CHL1: variants seen among roughly 807,000 people sequenced by gnomAD.
The protein encoded by CHL1 is neural cell adhesion molecule L1-like protein.
CHL1 carries 96 observed loss-of-function variants against 141.9 expected under a neutral mutation model. The ratio of observed to expected loss-of-function variants is 0.68; its 90% CI spans 0.57 to 0.80. The LOEUF is 0.80. CHL1 is among the 30% of genes least tolerant of loss of function. The pLI, the probability that CHL1 is intolerant of heterozygous loss-of-function variation, is 0.00. For missense variants in CHL1, 1,820 were observed against 1,457.2 expected, an observed-to-expected ratio of 1.25 and a Z score of -4.05; for synonymous variants, 613 against 502.2, an observed-to-expected ratio of 1.22 and a Z score of -2.95.
At chr3:244,225 C>T (rs1384926943) in intron 1 of CHL1, among the ~76,000 whole-genome samples, 1 of 152,188 alleles carries the variant, frequency 6.6e-6, no homozygotes, top group African/African-American at 2.4e-5. Flanking sequence ...AGATTAGTCA[C>T]AGCATCAGAC....
At chr3:355,179 C>A (rs2125229948) in intron 11 of CHL1, among the ~76,000 whole-genome samples, 1 of 152,284 alleles carries the variant, frequency 6.6e-6, no homozygotes, top group South Asian at 2.1e-4. Flanking sequence ...CAACACCTGT[C>A]CTGGGCTCTG....
intron 2 of CHL1, among the ~76,000 whole-genome samples, chr3:271,028 G>C (rs753578320): frequency 2.0e-5 from 3 of 152,264 alleles, no homozygotes; most frequent in African/African-American, 7.2e-5. Context: ...AAGGAGAGAG[G>C]TATAAGCCTC....
At chr3:391,619 G>A (rs1487020629) in intron 22 of CHL1, 56 bp from the exon 23 acceptor site, 8 of 1,293,090 alleles carry the variant, frequency 6.2e-6, no homozygotes, top group African/African-American at 1.5e-5. Flanking sequence ...ATATAATAAG[G>A]CTTTTTTGAA....
At chr3:238,775 A>AT (rs908132594) in intron 1 of CHL1, among the ~76,000 whole-genome samples, 1 of 151,530 alleles carries the variant, frequency 6.6e-6, no homozygotes, top group African/African-American at 2.4e-5. Flanking sequence ...AAATACAAAA[A>AT]AAAAAAAAAT....
At position 391,701 on chromosome 3, in the gene CHL1, GTCA is replaced by G; in HGVS notation, c.2822_2824del (p.Ile941del). 6.2e-7 allele frequency: 1 copy of G among 1,605,410 alleles called. No individual in the cohort carries two copies. The highest frequency in any genetic ancestry group is 8.5e-7 in the Non-Finnish European group (1 of 1,174,982). ...ACCTGAACAGCCAACTTTTCTAAAG[GTCA>G]TCAAAGTTGATAAAGACACTGCCAC... On this transcript the variant is annotated inframe_deletion, in exon 23 of 28. Transcript: ENST00000256509.
chr3:332,388 C>T (rs1417903297), intron 5 of CHL1, among the ~76,000 whole-genome samples: 1 of 151,812 alleles, frequency 6.6e-6, no homozygotes, highest in African/African-American at 2.4e-5. Context: ...GCAGTAATTA[C>T]CTGTAATGGA....
chr3:278,779 A>G (rs145851866), intron 2 of CHL1, among the ~76,000 whole-genome samples: 38 of 152,334 alleles, frequency 2.5e-4, no homozygotes, highest in African/African-American at 8.7e-4. Flanking sequence ...GTGGTATTTT[A>G]TGAATTTCTG....
Position 383,861 on chromosome 3 carries a change from C to A in CHL1, c.2222C>A (p.Pro741His). The A allele has an allele frequency of 1.9e-6, 3 of 1,609,354 alleles. No individual in the cohort carries two copies. Among genetic ancestry groups the A allele is most frequent in the South Asian group, 2.2e-5 (2 of 90,690 alleles). ...AACATAAGGGTTCAAGCCTCTCAACCCAAGGAAATGATTATAAAGTGGGAG... is the reference window on the plus strand; with the variant it reads ...AACATAAGGGTTCAAGCCTCTCAACACAAGGAAATGATTATAAAGTGGGAG... Reference protein sequence around the residue: ...PQNIRVQASQPKEMIIKWEPL... With the variant: ...PQNIRVQASQHKEMIIKWEPL... The change falls in exon 19 of 28, where the codon CCC becomes CAC. Residue 741 changes from proline to histidine, a missense_variant. Coordinates refer to ENST00000256509, the MANE Select transcript of CHL1 (RefSeq NM_006614.4).
intron 2 of CHL1, 37 bp from the exon 3 acceptor site, chr3:319,646 T>C (rs908560499): frequency 1.8e-6 from 1 of 542,658 alleles, no homozygotes; most frequent in Non-Finnish European, 3.3e-6. Flanking sequence ...AATTTTAGAG[T>C]TTGTGAACTA....
intron 10 of CHL1, among the ~76,000 whole-genome samples, chr3:353,425 G>T (rs144644676): frequency 6.6e-6 from 1 of 151,958 alleles, no homozygotes. Context: ...GAAAATGATC[G>T]CAGTTTATAA....
intron 24 of CHL1, among the ~76,000 whole-genome samples, chr3:397,801 A>T (rs1708798079): frequency 6.6e-6 from 1 of 152,124 alleles, no homozygotes; most frequent in South Asian, 2.1e-4. Flanking sequence ...ATCAGTGTTT[A>T]TGGAGAAGAC....
At chr3:379,253 G>A (rs372470879) in intron 16 of CHL1, among the ~76,000 whole-genome samples, 77 of 152,142 alleles carry the variant, frequency 5.1e-4, no homozygotes, top group African/African-American at 1.6e-3. Flanking sequence ...AACCTGTCTC[G>A]GGCGAAACAA....
At chr3:380,956 A>G (rs2196039) in intron 16 of CHL1, among the ~76,000 whole-genome samples, 36,471 of 152,114 alleles carry the variant, frequency 0.24, 5,633 homozygotes, top group East Asian at 0.63. Context: ...AGGCATATAA[A>G]CAAATATGTA....
chr3:291,411 G>GAT (rs1697682369), intron 2 of CHL1, among the ~76,000 whole-genome samples: 1 of 150,472 alleles, frequency 6.6e-6, no homozygotes, highest in African/African-American at 2.4e-5. Context: ...TTCTCAGATT[G>GAT]ATTTTAGTTT....
In CHL1 at chr3:398,283, G is replaced by T; in HGVS notation, c.3151G>T (p.Glu1051Ter). ...TCTTACTCAAAAGACTCACCCAATA[G>T]AGGTATTTGAGCCGGGAGCTGAACA... ...VNLTQKTHPI[E>*]VFEPGAEHIV... The change falls in exon 25 of 28, where the codon GAG (glutamate) becomes TAG (stop). Residue 1051 changes from glutamate (E) to a stop codon, truncating the protein, a stop_gained. Coordinates refer to ENST00000256509, the MANE Select transcript of CHL1 (RefSeq NM_006614.4). LOFTEE classifies it high-confidence loss of function. The T allele has an allele frequency of 6.2e-7, 1 of 1,606,668 alleles. No individual in the cohort carries two copies. Among genetic ancestry groups the T allele is most frequent in the Non-Finnish European group, 8.5e-7 (1 of 1,173,498 alleles).
chr3:321,774 A>G (rs1700581436), intron 3 of CHL1, among the ~76,000 whole-genome samples: 1 of 152,092 alleles, frequency 6.6e-6, no homozygotes, highest in Non-Finnish European at 1.5e-5. Context: ...TCTGAATATT[A>G]TTCATTTATT....
intron 9 of CHL1, among the ~76,000 whole-genome samples, chr3:347,734 T>A (rs1702884769): frequency 6.6e-6 from 1 of 152,174 alleles, no homozygotes; most frequent in African/African-American, 2.4e-5. Context: ...TTAGGAGACT[T>A]GAGCTATGCA....
intron 1 of CHL1, among the ~76,000 whole-genome samples, chr3:221,515 C>A (rs1165373373): frequency 1.3e-5 from 2 of 152,324 alleles, no homozygotes; most frequent in Non-Finnish European, 2.9e-5. Context: ...TAAGAGAAAT[C>A]TCATCCCTTT....
In CHL1 at chr3:337,563, A is replaced by G. The variant is rs183404606; in HGVS notation, c.386-3231A>G. On this transcript the variant is annotated intron_variant, in intron 5 of 27. Transcript: ENST00000256509. Reference sequence around the variant, plus strand: ...CCCGGTGTGTGATGTCCCCCTTCCTATGTCCAAGTGTTCTCATTGTTCAAT... The same window carrying G: ...CCCGGTGTGTGATGTCCCCCTTCCTGTGTCCAAGTGTTCTCATTGTTCAAT... Among the ~76,000 whole-genome samples, 213 of 128,774 alleles carry G rather than the reference A, an allele frequency of 1.7e-3. No homozygotes were observed. The Middle Eastern group carries it at 0.019, about 12-fold the overall frequency. 84.5% of individuals were successfully genotyped at this position (128,774 alleles called of 152,430 possible). A position where few individuals can be genotyped will look rare whatever the true frequency, so the allele number is the denominator to read the frequency against.
Sources: allele counts gnomAD v4.1 joint callset (sites outside exome capture counted in the v4.1 genomes callset), GRCh38; gene constraint gnomAD v4.1.1; transcripts MANE v1.5; gene names NCBI Gene and HGNC (gene_info 2026-07-23, HGNC 2026-07-21).